The following CCSER1 variants were observed in gnomAD, a reference collection of about 807,000 sequenced individuals.
CCSER1 encodes the protein coiled-coil serine rich protein 1.
Under a neutral mutation model 82.0 loss-of-function variants are expected in CCSER1, and 41 were observed. The ratio of observed to expected loss-of-function variants is 0.50; its 90% CI spans 0.39 to 0.65. CCSER1 has a LOEUF of 0.65. CCSER1 is among the 30% of genes least tolerant of loss of function. The pLI, the probability that CCSER1 is intolerant of heterozygous loss-of-function variation, is 0.00. For synonymous variants in CCSER1, 414 were observed against 383.9 expected, an observed-to-expected ratio of 1.08 and a Z score of -0.92; for missense variants, 1,119 against 1,064.2, an observed-to-expected ratio of 1.05 and a Z score of -0.72.
At chr4:91,589,744 C>T (rs545069838) in intron 10 of CCSER1, among the ~76,000 whole-genome samples, 17 of 151,760 alleles carry the variant, frequency 1.1e-4, no homozygotes, top group African/African-American at 3.9e-4. Context: ...TCTGGAATAC[C>T]AGTTGTGCAG....
chr4:91,083,728 GA>G, intron 9 of CCSER1, among the ~76,000 whole-genome samples: 1 of 152,174 alleles, frequency 6.6e-6, no homozygotes, highest in East Asian at 1.9e-4. Context: ...AAATTTCACT[GA>G]ATGGGATTAA....
chr4:90,615,846 A>G (rs997611448), intron 5 of CCSER1, among the ~76,000 whole-genome samples: 4 of 152,194 alleles, frequency 2.6e-5, no homozygotes, highest in Non-Finnish European at 5.9e-5. Flanking sequence ...TCTGGGTAAA[A>G]TGCTACCAAA....
At chr4:90,549,883 T>C (rs2153639996) in intron 5 of CCSER1, among the ~76,000 whole-genome samples, 1 of 151,544 alleles carries the variant, frequency 6.6e-6, no homozygotes, top group African/African-American at 2.4e-5. Context: ...GAAAATAATG[T>C]AAGGAAAATT....
intron 8 of CCSER1, among the ~76,000 whole-genome samples, chr4:90,849,996 G>A (rs1045370206): frequency 3.3e-5 from 5 of 152,082 alleles, no homozygotes; most frequent in African/African-American, 1.2e-4. Context: ...TGGGCACAGG[G>A]ACACCCTGCT....
chr4:91,092,104 A>G (rs1724020456), intron 10 of CCSER1, among the ~76,000 whole-genome samples: 1 of 152,136 alleles, frequency 6.6e-6, no homozygotes, highest in Non-Finnish European at 1.5e-5. Flanking sequence ...ATCCATTTTA[A>G]TCCTGTCTCT....
chr4:91,370,870 T>G (rs1454579468), intron 10 of CCSER1, among the ~76,000 whole-genome samples: 7 of 152,086 alleles, frequency 4.6e-5, no homozygotes, highest in Non-Finnish European at 4.4e-5. Context: ...CAAATTATAC[T>G]CTTTTAGTTA....
intron 1 of CCSER1, among the ~76,000 whole-genome samples, chr4:90,129,309 C>T (rs1469308265): frequency 6.6e-6 from 1 of 152,206 alleles, no homozygotes; most frequent in East Asian, 1.9e-4. Context: ...TACTGGTAAT[C>T]TAGGCTATAA....
At chr4:90,152,627 G>A (rs1727075422) in intron 1 of CCSER1, among the ~76,000 whole-genome samples, 1 of 152,112 alleles carries the variant, frequency 6.6e-6, no homozygotes, top group Admixed American at 6.6e-5. Context: ...TGTGAAGGAA[G>A]GAAAATGTAA....
intron 10 of CCSER1, among the ~76,000 whole-genome samples, chr4:91,363,256 C>A (rs1288502514): frequency 2.0e-5 from 3 of 151,254 alleles, no homozygotes; most frequent in African/African-American, 7.3e-5. Context: ...AAGAAAAGAC[C>A]TATAGTTTAC....
chr4:90,171,129 G>A (rs905903727), intron 1 of CCSER1, among the ~76,000 whole-genome samples: 4 of 150,694 alleles, frequency 2.7e-5, no homozygotes, highest in Non-Finnish European at 5.9e-5. Flanking sequence ...CACTTAATAT[G>A]TATCCCCAAA....
At chr4:91,439,260 C>G (rs1386237818) in intron 10 of CCSER1, among the ~76,000 whole-genome samples, 1 of 151,952 alleles carries the variant, frequency 6.6e-6, no homozygotes, top group East Asian at 1.9e-4. Context: ...AAAGGGAAGC[C>G]CATCAGACTA....
At chr4:90,770,579 A>C (rs1011117260) in intron 7 of CCSER1, among the ~76,000 whole-genome samples, 2 of 152,184 alleles carry the variant, frequency 1.3e-5, no homozygotes, top group Non-Finnish European at 2.9e-5. Flanking sequence ...TATGTTAACT[A>C]TTATTTCCTT....
At chr4:90,483,939 G>T (rs148541824) in intron 5 of CCSER1, among the ~76,000 whole-genome samples, 2,194 of 152,314 alleles carry the variant, frequency 0.014, 32 homozygotes, top group African/African-American at 0.043. Flanking sequence ...GATTGGGGAA[G>T]TTGTCCTGGA....
At chr4:90,501,588 A>AT (rs1560621268) in intron 5 of CCSER1, among the ~76,000 whole-genome samples, 2 of 152,200 alleles carry the variant, frequency 1.3e-5, no homozygotes, top group Non-Finnish European at 2.9e-5. Flanking sequence ...CAGTGGGAAA[A>AT]TGTCAGTGGA....
At chr4:91,304,770 A>G (rs1169484943) in intron 10 of CCSER1, among the ~76,000 whole-genome samples, 1 of 152,074 alleles carries the variant, frequency 6.6e-6, no homozygotes, top group Admixed American at 6.6e-5. Flanking sequence ...AAACATATGT[A>G]TTTATTATTT....
chr4:90,895,112 T>A (rs1347938622), intron 8 of CCSER1, among the ~76,000 whole-genome samples: 1 of 151,942 alleles, frequency 6.6e-6, no homozygotes, highest in Non-Finnish European at 1.5e-5. Flanking sequence ...AACACTAAAA[T>A]GAAATTAAAT....
chr4:91,145,573 T>G (rs950735028), intron 10 of CCSER1, among the ~76,000 whole-genome samples: 1 of 152,176 alleles, frequency 6.6e-6, no homozygotes, highest in Non-Finnish European at 1.5e-5. Context: ...TAAGTGTGTT[T>G]CTGTGGTAGT....
intron 10 of CCSER1, among the ~76,000 whole-genome samples, chr4:91,138,764 A>C (rs1484840746): frequency 6.7e-6 from 1 of 148,982 alleles, no homozygotes; most frequent in African/African-American, 2.5e-5. Context: ...ACCCCATCAA[A>C]AAGTGGGCGA....
intron 4 of CCSER1, among the ~76,000 whole-genome samples, chr4:90,421,386 T>G (rs1333463725): frequency 1.3e-5 from 2 of 152,214 alleles, no homozygotes; most frequent in African/African-American, 4.8e-5. Flanking sequence ...TAACCTAAAG[T>G]AGGCTAAGCC....
Sources: allele counts gnomAD v4.1 joint callset (sites outside exome capture counted in the v4.1 genomes callset), GRCh38; gene constraint gnomAD v4.1.1; transcripts MANE v1.5; gene names NCBI Gene and HGNC (gene_info 2026-07-23, HGNC 2026-07-21).